ATXN7L1: variants seen among roughly 807,000 people sequenced by gnomAD.
ATXN7L1 encodes the protein ataxin-7-like protein 1.
A neutral mutation model predicts 70.8 loss-of-function variants in ATXN7L1; 15 were observed. That is an observed-to-expected ratio of 0.21 (90% CI 0.14 to 0.33). The LOEUF (loss-of-function observed/expected upper bound fraction) is 0.33. ATXN7L1 is among the 10% of genes least tolerant of loss of function. ATXN7L1 has a pLI of 1.00. For synonymous variants in ATXN7L1, 440 were observed against 445.1 expected (o/e 0.99, Z 0.14); for missense variants, 975 against 1,097.1 (o/e 0.89, Z 1.57).
chr7:105,642,711 T>G, intron 5 of ATXN7L1, 127 bp downstream of exon 5: 1 of 1,207,150 alleles, frequency 8.3e-7, no homozygotes, highest in Non-Finnish European at 1.1e-6. Context: ...TGTTTGCAGG[T>G]AAACTCTGCA....
chr7:105,783,763 C>G (rs547153568), intron 3 of ATXN7L1, among the ~76,000 whole-genome samples: 8 of 152,144 alleles, frequency 5.3e-5, no homozygotes, highest in Non-Finnish European at 1.2e-4. Context: ...TAAAATGTTT[C>G]CTTGAGTTCT....
intron 2 of ATXN7L1, among the ~76,000 whole-genome samples, chr7:105,865,078 C>T (rs146715134): frequency 1.5e-4 from 23 of 152,342 alleles, no homozygotes; most frequent in East Asian, 5.8e-4. Flanking sequence ...GCAGTAAGAA[C>T]GCAGTCTGTC....
At chr7:105,856,975 G>A (rs984553387) in intron 2 of ATXN7L1, among the ~76,000 whole-genome samples, 1 of 152,208 alleles carries the variant, frequency 6.6e-6, no homozygotes, top group African/African-American at 2.4e-5. Context: ...CACTGAGTGT[G>A]TCTACAACTG....
At position 105,748,845 on chromosome 7, in the gene ATXN7L1, G is replaced by C. The variant is rs544501846; in HGVS notation, c.355+39759C>G. 3.9e-5 allele frequency among the ~76,000 whole-genome samples: 6 copies of C among 152,328 alleles called. No homozygotes were observed. In the South Asian group the frequency reaches 1.2e-3, roughly 32 times the overall value. ...GATCGTCAGGTGGTCTCATGAGGCA[G>C]CAGGGCACACTAAAGTAAACTTTCC... On this transcript the variant is annotated intron_variant, in intron 3 of 11. Coordinates refer to ENST00000419735, the MANE Select transcript of ATXN7L1 (RefSeq NM_020725.2).
chr7:105,672,009 C>T (rs559340911), intron 3 of ATXN7L1, among the ~76,000 whole-genome samples: 68 of 151,244 alleles, frequency 4.5e-4, no homozygotes, highest in African/African-American at 1.6e-3. Flanking sequence ...GAGGCACGGC[C>T]GGGCGTGGTG....
At chr7:105,843,239 T>C (rs1465883633) in intron 2 of ATXN7L1, among the ~76,000 whole-genome samples, 5 of 152,232 alleles carry the variant, frequency 3.3e-5, no homozygotes, top group African/African-American at 7.2e-5. Context: ...CTTCCACATC[T>C]AGCTGGGGCC....
At chr7:105,817,595 G>T (rs1809381178) in intron 2 of ATXN7L1, among the ~76,000 whole-genome samples, 1 of 152,072 alleles carries the variant, frequency 6.6e-6, no homozygotes, top group Non-Finnish European at 1.5e-5. Flanking sequence ...CCAAGAAACA[G>T]AAGGACAAAG....
chr7:105,824,146 A>G (rs954284109), intron 2 of ATXN7L1, among the ~76,000 whole-genome samples: 3 of 152,194 alleles, frequency 2.0e-5, no homozygotes, highest in Non-Finnish European at 4.4e-5. Flanking sequence ...TCATCTCTGA[A>G]AAAACAGAGA....
intron 3 of ATXN7L1, among the ~76,000 whole-genome samples, chr7:105,734,577 C>A (rs1337282298): frequency 6.6e-6 from 1 of 152,070 alleles, no homozygotes; most frequent in Non-Finnish European, 1.5e-5. Flanking sequence ...CCTTGCCCTC[C>A]AGCTGAGGCT....
chr7:105,688,953 A>G (rs572956267), intron 3 of ATXN7L1, among the ~76,000 whole-genome samples: 65 of 152,322 alleles, frequency 4.3e-4, no homozygotes, highest in African/African-American at 1.5e-3. Flanking sequence ...TGTATATGTC[A>G]TGGCTGTTGT....
chr7:105,657,132 G>A (rs572437540), intron 4 of ATXN7L1, among the ~76,000 whole-genome samples: 2 of 152,308 alleles, frequency 1.3e-5, no homozygotes, highest in South Asian at 2.1e-4. Flanking sequence ...GCGATACAGA[G>A]TTCACTTGGA....
chr7:105,683,716 A>T (rs937901997), intron 3 of ATXN7L1, among the ~76,000 whole-genome samples: 2 of 151,894 alleles, frequency 1.3e-5, no homozygotes, highest in East Asian at 1.9e-4. Context: ...AACAACTACC[A>T]CCGCCACTAC....
At position 105,642,890 on chromosome 7, in the gene ATXN7L1, C is replaced by A. The variant is rs193277284; in HGVS notation, c.810G>T (p.Lys270Asn). Residue 270 changes from lysine to asparagine, a missense_variant, in exon 5 of 12, where the codon AAG becomes AAT. Around this residue, in one of 5 missense-constraint regions of ATXN7L1, gnomAD observed 192 missense variants for 215.5 expected, o/e 0.89. Transcript: ENST00000419735. ...GKGILPTTID[K>N]KHQNGTKNSN... ...TGTTTTTGGTGCCATTTTGGTGTTTCTTGTCTATGGTGGTTGGCAGAATTC... is the reference window on the plus strand; with the variant it reads ...TGTTTTTGGTGCCATTTTGGTGTTTATTGTCTATGGTGGTTGGCAGAATTC... 14 of 1,551,682 alleles carry A rather than the reference C, an allele frequency of 9.0e-6. No homozygotes were observed. In the East Asian group the frequency reaches 1.2e-4, roughly 14 times the overall value.
chr7:105,819,533 T>C, intron 2 of ATXN7L1: 1 of 1,377,172 alleles, frequency 7.3e-7, no homozygotes, highest in Non-Finnish European at 1.0e-6. Context: ...GTCGAGGCCA[T>C]CTCCTGGGCC....
chr7:105,856,457 G>A (rs1585164450), intron 2 of ATXN7L1, among the ~76,000 whole-genome samples: 1 of 151,830 alleles, frequency 6.6e-6, no homozygotes, highest in African/African-American at 2.4e-5. Flanking sequence ...ATGGTGGCAG[G>A]AGCCTGTAAT....
chr7:105,710,401 C>CTTTT (rs34003989), intron 3 of ATXN7L1, among the ~76,000 whole-genome samples: 6 of 78,136 alleles, frequency 7.7e-5, no homozygotes, highest in Non-Finnish European at 9.2e-5. Context: ...GTGCCATGCA[C>CTTTT]TTTTTTTTTT....
At chr7:105,870,061 C>G (rs1818022824) in intron 2 of ATXN7L1, among the ~76,000 whole-genome samples, 1 of 152,084 alleles carries the variant, frequency 6.6e-6, no homozygotes, top group African/African-American at 2.4e-5. Flanking sequence ...GCGGGCGGAT[C>G]ACAAAGTTAG....
intron 2 of ATXN7L1, among the ~76,000 whole-genome samples, chr7:105,867,207 C>A (rs1489691527): frequency 6.6e-6 from 1 of 152,160 alleles, no homozygotes; most frequent in East Asian, 1.9e-4. Flanking sequence ...GCCCTTTGTA[C>A]CTTCCCAGGC....
chr7:105,767,028 G>T lies in ATXN7L1; in HGVS notation c.355+21576C>A, dbSNP rs138071822. Among the ~76,000 whole-genome samples the T allele has an allele frequency of 3.0e-3, 450 of 152,356 alleles. 26 individuals carry two copies. The South Asian group carries it at 0.085, about 29-fold the overall frequency. On this transcript the variant is annotated intron_variant, in intron 3 of 11. Coordinates refer to ENST00000419735, the MANE Select transcript of ATXN7L1 (RefSeq NM_020725.2). The stretch of plus-strand genomic sequence containing the variant: ...CTGCCCACACACTGCAGTGAGGCAG[G>T]ACGGCGGGCAGGAAGCAAGGGTTCC...
Sources: gnomAD v4.1 joint callset for allele counts (sites outside exome capture counted in the v4.1 genomes callset) on GRCh38, gnomAD v4.1.1 for gene constraint, gnomAD v4.1.1 regional missense constraint, MANE v1.5 for transcripts, NCBI Gene and HGNC (gene_info 2026-07-23, HGNC 2026-07-21) for gene names.